ZDHHC1: variants seen among roughly 807,000 people sequenced by gnomAD.
ZDHHC1 encodes palmitoyltransferase ZDHHC1.
ZDHHC1 carries 45 observed loss-of-function variants against 46.9 expected under a neutral mutation model. The observed-to-expected ratio is 0.96, with a 90% CI of 0.76 to 1.23. The LOEUF (loss-of-function observed/expected upper bound fraction) is 1.23. ZDHHC1 is among the 50% of genes most tolerant of loss of function. The pLI is 0.00. For synonymous variants in ZDHHC1, 291 were observed against 286.0 expected, an observed-to-expected ratio of 1.02 and a Z score of -0.18; for missense variants, 649 against 670.8, an observed-to-expected ratio of 0.97 and a Z score of 0.36.
At chr16:67,395,137 C>A in intron 10 of ZDHHC1, 50 bp downstream of exon 10, 1 of 1,613,128 alleles carries the variant, frequency 6.2e-7, no homozygotes, top group Non-Finnish European at 8.5e-7. Context: ...GTAGAGGCTT[C>A]TTTCTATCCC....
At chr16:67,396,496 C>G (rs1302218371) in intron 8 of ZDHHC1, among the ~76,000 whole-genome samples, 3 of 151,994 alleles carry the variant, frequency 2.0e-5, no homozygotes, top group Non-Finnish European at 2.9e-5. Context: ...ACAGCAAGGC[C>G]GTCTCTAAAA....
intron 8 of ZDHHC1, 72 bp from the exon 9 acceptor site, chr16:67,395,638 C>A (rs567077686): frequency 1.7e-5 from 24 of 1,435,908 alleles, no homozygotes; most frequent in Non-Finnish European, 2.0e-5. Flanking sequence ...CCTAAGCCCA[C>A]GCAGTCCTGC....
At chr16:67,400,339 A>G (rs2040527124) in intron 4 of ZDHHC1, among the ~76,000 whole-genome samples, 1 of 152,126 alleles carries the variant, frequency 6.6e-6, no homozygotes, top group Non-Finnish European at 1.5e-5. Flanking sequence ...GGGCCCCTAG[A>G]GAGGTAGCTG....
chr16:67,406,295 T>A lies in ZDHHC1; in HGVS notation c.157A>T (p.Ile53Phe). The A allele has an allele frequency of 6.2e-7, 1 of 1,609,036 alleles. No homozygotes were observed. The highest frequency in any genetic ancestry group is 8.5e-7 in the Non-Finnish European group (1 of 1,177,982). The change falls in exon 3 of 12, where the codon ATT becomes TTT. Residue 53 changes from isoleucine (I) to phenylalanine (F), a missense_variant. Physicochemically the swap from Ile to Phe is conservative, Grantham distance 21. Coordinates refer to ENST00000565726, the MANE Select transcript of ZDHHC1 (RefSeq NM_001323627.2). The surrounding 1 kb of genome is among the most constrained non-coding windows in gnomAD (Gnocchi z 4.1). ...AAGAGGTACAGCAGCCAGGCCACAA[T>A]CTGGAGCGGGTGAGGGGGCCAGCTC... The part of the protein sequence containing the change: ...GWSWPPHPLQ[I>F]VAWLLYLFFA...
chr16:67,411,504 A>G (rs1446390438), intron 1 of ZDHHC1, among the ~76,000 whole-genome samples: 1 of 152,216 alleles, frequency 6.6e-6, no homozygotes, highest in Non-Finnish European at 1.5e-5. Flanking sequence ...ATCTTTCAAC[A>G]AAGTTCAGTG....
intron 1 of ZDHHC1, among the ~76,000 whole-genome samples, chr16:67,412,973 G>C (rs2142264922): frequency 6.6e-6 from 1 of 151,896 alleles, no homozygotes; most frequent in African/African-American, 2.4e-5. Context: ...GCTACTTTTT[G>C]AATTTTTTTA....
intron 1 of ZDHHC1, among the ~76,000 whole-genome samples, chr16:67,409,739 G>A (rs2040719821): frequency 6.6e-6 from 1 of 152,176 alleles, no homozygotes; most frequent in Admixed American, 6.5e-5. Flanking sequence ...AAAGACATGT[G>A]GCTCTGTTCT....
chr16:67,412,209 G>A (rs907572110), intron 1 of ZDHHC1, among the ~76,000 whole-genome samples: 1 of 151,952 alleles, frequency 6.6e-6, no homozygotes, highest in African/African-American at 2.4e-5. Flanking sequence ...ACCAAACACA[G>A]GAGCATCCCC....
intron 1 of ZDHHC1, among the ~76,000 whole-genome samples, chr16:67,411,313 A>C (rs2142261749): frequency 6.6e-6 from 1 of 152,232 alleles, no homozygotes; most frequent in African/African-American, 2.4e-5. Flanking sequence ...GGAGAAAGCG[A>C]CGGGGTTGAA....
intron 1 of ZDHHC1, among the ~76,000 whole-genome samples, chr16:67,410,544 T>C (rs1321045456): frequency 5.9e-5 from 9 of 152,142 alleles, no homozygotes; most frequent in Admixed American, 2.0e-4. Context: ...CCCCACAAGG[T>C]GAAAGCCATT....
At chr16:67,404,645 G>A (rs1597543241) in intron 3 of ZDHHC1, 2 of 454,174 alleles carry the variant, frequency 4.4e-6, no homozygotes, top group East Asian at 1.4e-4. Context: ...GGCTTCCTGG[G>A]CAGCCCATCT....
At chr16:67,408,890 G>A (rs2040706500) in intron 1 of ZDHHC1, among the ~76,000 whole-genome samples, 1 of 152,196 alleles carries the variant, frequency 6.6e-6, no homozygotes, top group East Asian at 1.9e-4. Context: ...TGGGTTGGAT[G>A]GTTCTGCTCT....
chr16:67,398,472 A>ACTAG, intron 7 of ZDHHC1, 101 bp downstream of exon 7: 1 of 1,518,220 alleles, frequency 6.6e-7, no homozygotes, highest in South Asian at 1.2e-5. Context: ...GTGAGCCCAT[A>ACTAG]CTAGGCAGGG....
At chr16:67,404,705 G>A (rs1212603390) in intron 3 of ZDHHC1, 5 of 455,648 alleles carry the variant, frequency 1.1e-5, no homozygotes, top group African/African-American at 4.0e-5. Flanking sequence ...CAGAACCTCT[G>A]TGCCCAGCTT....
chr16:67,399,669 A>G (rs1002239948), intron 4 of ZDHHC1, among the ~76,000 whole-genome samples: 6 of 152,152 alleles, frequency 3.9e-5, no homozygotes, highest in African/African-American at 1.4e-4. Context: ...GGGGGACCCC[A>G]GAGGCCGCAG....
chr16:67,403,615 G>T (rs868397413), intron 3 of ZDHHC1, among the ~76,000 whole-genome samples: 9 of 143,786 alleles, frequency 6.3e-5, no homozygotes, highest in East Asian at 2.0e-4. Context: ...TTTGTTTTTT[G>T]TTTTTTTTTT....
intron 1 of ZDHHC1, among the ~76,000 whole-genome samples, chr16:67,414,510 T>C (rs1329569254): frequency 6.6e-6 from 1 of 152,216 alleles, no homozygotes; most frequent in Non-Finnish European, 1.5e-5. Flanking sequence ...TCCTACAGTG[T>C]TTGCATGATA....
At chr16:67,415,050 G>T (rs951298775) in intron 1 of ZDHHC1, among the ~76,000 whole-genome samples, 2 of 152,168 alleles carry the variant, frequency 1.3e-5, no homozygotes, top group Non-Finnish European at 2.9e-5. Flanking sequence ...CAGGAGAATC[G>T]CTTGAACCCG....
At chr16:67,415,044 A>C (rs1219485924) in intron 1 of ZDHHC1, among the ~76,000 whole-genome samples, 1 of 152,234 alleles carries the variant, frequency 6.6e-6, no homozygotes, top group East Asian at 1.9e-4. Context: ...CTGAGGCAGG[A>C]GAATCGCTTG....
Sources: gnomAD v4.1 joint callset for allele counts (sites outside exome capture counted in the v4.1 genomes callset) on GRCh38, gnomAD v4.1.1 for gene constraint, Gnocchi (gnomAD v3.1) non-coding constraint, MANE v1.5 for transcripts, NCBI Gene and HGNC (gene_info 2026-07-23, HGNC 2026-07-21) for gene names.